KIF3B: variants seen among roughly 807,000 people sequenced by gnomAD.
KIF3B encodes kinesin-like protein KIF3B.
In KIF3B, 38 loss-of-function variants were observed where a neutral mutation model predicts 74.3. The observed-to-expected ratio is 0.51, with a 90% CI of 0.39 to 0.67. The LOEUF (loss-of-function observed/expected upper bound fraction) is 0.67, where lower values mean the gene tolerates loss of function less well. Ranked by LOEUF, KIF3B falls within the 30% of genes least tolerant of loss-of-function variation. The pLI is 0.00. For missense variants in KIF3B, 649 were observed against 932.0 expected, an observed-to-expected ratio of 0.70 and a Z score of 3.95; for synonymous variants, 326 against 342.5, an observed-to-expected ratio of 0.95 and a Z score of 0.53.
intron 8 of KIF3B, 121 bp downstream of exon 8, chr20:32,330,440 A>T: frequency 1.2e-6 from 1 of 819,482 alleles, no homozygotes; most frequent in Non-Finnish European, 1.9e-6. Flanking sequence ...TTGCCATATT[A>T]CTCCTATGTT....
At chr20:32,328,061 A>G (rs1251499030) in intron 7 of KIF3B, among the ~76,000 whole-genome samples, 2 of 152,026 alleles carry the variant, frequency 1.3e-5, no homozygotes, top group Non-Finnish European at 2.9e-5. Flanking sequence ...AGATCATGCC[A>G]CAGCACTCTA....
chr20:32,313,296 A>G (rs960581480), intron 2 of KIF3B, among the ~76,000 whole-genome samples: 1 of 152,222 alleles, frequency 6.6e-6, no homozygotes, highest in African/African-American at 2.4e-5. Flanking sequence ...GCTAACCACA[A>G]GGCAGAATTC....
At chr20:32,323,112 T>TTTTATATATTTATATTTATATATATTTA (rs1555896824) in intron 5 of KIF3B, among the ~76,000 whole-genome samples, 1 of 63,734 alleles carries the variant, frequency 1.6e-5, no homozygotes, top group Non-Finnish European at 3.7e-5. Context: ...TTATATATAT[T>TTTTATATATTTATATTTATATATATTTA]TATATATTTA....
chr20:32,281,061 G>A (rs559166898), intron 1 of KIF3B, among the ~76,000 whole-genome samples: 6 of 152,198 alleles, frequency 3.9e-5, no homozygotes, highest in East Asian at 1.9e-4. Context: ...CCATTAATTC[G>A]CAAGTCCCTG....
intron 1 of KIF3B, among the ~76,000 whole-genome samples, chr20:32,297,799 A>T (rs996329287): frequency 1.7e-4 from 25 of 148,228 alleles, no homozygotes; most frequent in Middle Eastern, 3.2e-3. Context: ...AGAGAAGTGG[A>T]TTTTTTTTTT....
chr20:32,304,080 A>T (rs1452028638), intron 1 of KIF3B, among the ~76,000 whole-genome samples: 1 of 152,038 alleles, frequency 6.6e-6, no homozygotes, highest in Non-Finnish European at 1.5e-5. Flanking sequence ...AATTATACCT[A>T]TTTTTTCAGA....
chr20:32,332,314 A>G lies in KIF3B; in HGVS notation c.*995A>G, dbSNP rs2047934365. The G allele has an allele frequency of 6.6e-6, 1 of 152,380 alleles. No homozygotes were observed. The highest frequency in any genetic ancestry group is 2.1e-4 in the South Asian group (1 of 4,828). The allele number at this position is 152,380 out of a possible 1,614,324, so 9.4% of individuals were successfully genotyped here. On this transcript the variant is annotated 3_prime_UTR_variant, in exon 9 of 9. Transcript: ENST00000375712. ...TTCTGAATTCCCCGTTTTGTTCCATATTGGTATAGAGAGCAGAAGAGTAGC... is the reference window on the plus strand; with the variant it reads ...TTCTGAATTCCCCGTTTTGTTCCATGTTGGTATAGAGAGCAGAAGAGTAGC...
intron 2 of KIF3B, among the ~76,000 whole-genome samples, chr20:32,314,652 T>G (rs1055014317): frequency 1.3e-5 from 2 of 152,180 alleles, no homozygotes; most frequent in African/African-American, 4.8e-5. Flanking sequence ...CTCAGAGGAC[T>G]CACTGAAAGA....
At chr20:32,321,088 A>G (rs1346010914) in intron 5 of KIF3B, among the ~76,000 whole-genome samples, 1 of 152,084 alleles carries the variant, frequency 6.6e-6, no homozygotes, top group Non-Finnish European at 1.5e-5. Context: ...TTCCAGCACC[A>G]TTTGTTGAAA....
intron 5 of KIF3B, among the ~76,000 whole-genome samples, chr20:32,323,146 ATATATT>A (rs2047883804): frequency 2.4e-5 from 1 of 41,076 alleles, no homozygotes; most frequent in African/African-American, 6.2e-5. Context: ...ACATATATTT[ATATATT>A]TATATTTATA....
chr20:32,298,731 C>T (rs918700519), intron 1 of KIF3B, among the ~76,000 whole-genome samples: 1 of 150,792 alleles, frequency 6.6e-6, no homozygotes, highest in East Asian at 2.0e-4. Flanking sequence ...TGCAGTGGTA[C>T]AATCGTGACT....
chr20:32,318,345 GT>G (rs747750550), intron 5 of KIF3B, among the ~76,000 whole-genome samples: 13 of 151,784 alleles, frequency 8.6e-5, no homozygotes, highest in Non-Finnish European at 2.9e-5. Flanking sequence ...ACAAATCAGT[GT>G]TTTTTTAAAA....
intron 1 of KIF3B, among the ~76,000 whole-genome samples, chr20:32,288,921 G>T (rs1471502278): frequency 1.3e-5 from 2 of 152,112 alleles, no homozygotes; most frequent in East Asian, 3.9e-4. Context: ...TATGATTTAT[G>T]GGAAATTCTG....
chr20:32,294,358 G>T (rs185951153), intron 1 of KIF3B, among the ~76,000 whole-genome samples: 84 of 152,208 alleles, frequency 5.5e-4, no homozygotes, highest in Middle Eastern at 3.4e-3. Context: ...TTTCTTTCCG[G>T]AGAACTAGCG....
At chr20:32,279,969 C>A (rs1358871902) in intron 1 of KIF3B, among the ~76,000 whole-genome samples, 1 of 152,202 alleles carries the variant, frequency 6.6e-6, no homozygotes, top group Non-Finnish European at 1.5e-5. Context: ...TGCTACTTTA[C>A]CTCTGAAATG....
chr20:32,307,873 C>T (rs1273437990), intron 1 of KIF3B, among the ~76,000 whole-genome samples: 4 of 144,714 alleles, frequency 2.8e-5, no homozygotes, highest in East Asian at 2.0e-4. Flanking sequence ...GAGCCGAGAT[C>T]GTGCCACTGT....
intron 1 of KIF3B, among the ~76,000 whole-genome samples, chr20:32,295,529 G>A (rs2047712686): frequency 6.6e-6 from 1 of 152,034 alleles, no homozygotes; most frequent in Non-Finnish European, 1.5e-5. Flanking sequence ...TCCTGAGATC[G>A]TGATCCACCC....
At chr20:32,287,048 C>T (rs572233193) in intron 1 of KIF3B, among the ~76,000 whole-genome samples, 261 of 152,306 alleles carry the variant, frequency 1.7e-3, no homozygotes, top group Admixed American at 3.3e-3. Flanking sequence ...TTTTAGCTTA[C>T]TTGACTACTT....
chr20:32,311,959 C>T (rs907271056), intron 2 of KIF3B, among the ~76,000 whole-genome samples: 28 of 151,724 alleles, frequency 1.8e-4, no homozygotes, highest in African/African-American at 1.5e-4. Flanking sequence ...CCTGCCACCA[C>T]GCCCGGCTAA....
Sources: allele counts gnomAD v4.1 joint callset (sites outside exome capture counted in the v4.1 genomes callset), GRCh38; gene constraint gnomAD v4.1.1; transcripts MANE v1.5; gene names NCBI Gene and HGNC (gene_info 2026-07-23, HGNC 2026-07-21).